CADM2: variants seen among roughly 807,000 people sequenced by gnomAD.
The protein encoded by CADM2 is immunoglobulin superfamily member 4D.
Under a neutral mutation model 49.8 loss-of-function variants are expected in CADM2, and 12 were observed. The ratio of observed to expected loss-of-function variants is 0.24; its 90% CI spans 0.15 to 0.39. The LOEUF (loss-of-function observed/expected upper bound fraction) is 0.39, where lower values mean the gene tolerates loss of function less well. Ranked by LOEUF, CADM2 falls within the 10% of genes least tolerant of loss-of-function variation. The pLI is 1.00. For missense variants in CADM2, 378 were observed against 492.3 expected (o/e 0.77, Z 2.20); for synonymous variants, 214 against 175.4 (o/e 1.22, Z -1.74).
intron 1 of CADM2, among the ~76,000 whole-genome samples, chr3:85,408,223 T>G (rs1376518180): frequency 6.6e-6 from 1 of 152,062 alleles, no homozygotes; most frequent in African/African-American, 2.4e-5. Context: ...AGACAACACA[T>G]TTCTAAAGAG....
chr3:85,411,050 C>T (rs2035632843), intron 1 of CADM2, among the ~76,000 whole-genome samples: 1 of 152,212 alleles, frequency 6.6e-6, no homozygotes, highest in African/African-American at 2.4e-5. Flanking sequence ...CATACTTTGA[C>T]TAGTGCACTC....
chr3:85,368,537 A>G (rs1006479070), intron 1 of CADM2, among the ~76,000 whole-genome samples: 1 of 150,164 alleles, frequency 6.7e-6, no homozygotes, highest in African/African-American at 2.4e-5. Context: ...AATATATATT[A>G]ATATATACCT....
intron 1 of CADM2, among the ~76,000 whole-genome samples, chr3:85,475,153 A>G (rs2038926253): frequency 6.6e-6 from 1 of 151,970 alleles, no homozygotes; most frequent in Non-Finnish European, 1.5e-5. Context: ...TATAGATTAG[A>G]CAAATGTTCA....
intron 8 of CADM2, among the ~76,000 whole-genome samples, chr3:86,025,741 C>T (rs915267507): frequency 6.6e-6 from 1 of 151,982 alleles, no homozygotes; most frequent in African/African-American, 2.4e-5. Context: ...TTTTATTGCA[C>T]AATCATTTTA....
chr3:85,611,419 TG>T (rs1190398245), intron 1 of CADM2, among the ~76,000 whole-genome samples: 7 of 152,038 alleles, frequency 4.6e-5, no homozygotes, highest in African/African-American at 1.4e-4. Flanking sequence ...CAATTTATCT[TG>T]GGTTAGTTGA....
chr3:85,455,209 A>G, intron 1 of CADM2, among the ~76,000 whole-genome samples: 1 of 152,232 alleles, frequency 6.6e-6, no homozygotes, highest in East Asian at 1.9e-4. Context: ...TCAAAGCCAC[A>G]ATAAAACACA....
chr3:85,688,788 G>A (rs1233862222), intron 1 of CADM2, among the ~76,000 whole-genome samples: 4 of 151,942 alleles, frequency 2.6e-5, no homozygotes, highest in African/African-American at 4.8e-5. Context: ...GCCTGGTTTC[G>A]AACTTCTGAC....
At chr3:85,969,953 T>TTG (rs1177907037) in intron 8 of CADM2, among the ~76,000 whole-genome samples, 33 of 129,552 alleles carry the variant, frequency 2.5e-4, no homozygotes, top group East Asian at 2.1e-3. Flanking sequence ...AGGGGTGTGT[T>TTG]TGTGTGTGTG....
At chr3:85,872,197 T>C (rs2075956679) in intron 3 of CADM2, among the ~76,000 whole-genome samples, 1 of 152,182 alleles carries the variant, frequency 6.6e-6, no homozygotes, top group African/African-American at 2.4e-5. Context: ...AGTCAGCAAG[T>C]ACAGAAGACT....
chr3:85,202,065 C>A lies in CADM2; in HGVS notation c.61+242397C>A, dbSNP rs191291002. On this transcript the variant is annotated intron_variant, in intron 1 of 9. Coordinates refer to ENST00000383699, the MANE Select transcript of CADM2 (RefSeq NM_001167675.2). Reference sequence around the variant, plus strand: ...ACTGCTCTCCAGCCTGGTGACAGAGCGAGACTCTGTCTGAAAAAAAAAAAA... The same window carrying A: ...ACTGCTCTCCAGCCTGGTGACAGAGAGAGACTCTGTCTGAAAAAAAAAAAA... 6.4e-4 allele frequency among the ~76,000 whole-genome samples: 77 copies of A among 119,456 alleles called. 3 individuals carry two copies. The South Asian group carries it at 0.02, about 31-fold the overall frequency. 78.4% of individuals were successfully genotyped at this position (119,456 alleles called of 152,430 possible). A position where few individuals can be genotyped will look rare whatever the true frequency, so the allele number is the denominator to read the frequency against.
intron 3 of CADM2, among the ~76,000 whole-genome samples, chr3:85,856,303 A>AT (rs1391621263): frequency 1.3e-5 from 2 of 152,180 alleles, no homozygotes; most frequent in African/African-American, 4.8e-5. Flanking sequence ...TCTCTATTTA[A>AT]GTGCTGAACC....
At chr3:86,005,554 A>AT (rs57509067) in intron 8 of CADM2, among the ~76,000 whole-genome samples, 44,750 of 134,808 alleles carry the variant, frequency 0.33, 7,850 homozygotes, top group Admixed American at 0.41. Flanking sequence ...TCCGTCTCAT[A>AT]TAAAAAAAAA....
chr3:85,961,402 T>A (rs1369595328), intron 7 of CADM2, 67 bp from the exon 8 acceptor site: 1 of 1,309,608 alleles, frequency 7.6e-7, no homozygotes. Context: ...AAAAATTGAT[T>A]TACTAAATTT....
At chr3:85,220,891 G>T (rs1443099216) in intron 1 of CADM2, among the ~76,000 whole-genome samples, 2 of 152,042 alleles carry the variant, frequency 1.3e-5, no homozygotes, top group Admixed American at 6.6e-5. Flanking sequence ...GCAAAACAAA[G>T]AACTAAAATC....
chr3:85,404,320 A>T (rs2035268201), intron 1 of CADM2, among the ~76,000 whole-genome samples: 1 of 151,898 alleles, frequency 6.6e-6, no homozygotes, highest in African/African-American at 2.4e-5. Flanking sequence ...AACTTTAATG[A>T]TTGTTTACAG....
At chr3:85,826,726 A>C (rs1348035892) in intron 3 of CADM2, among the ~76,000 whole-genome samples, 2 of 152,014 alleles carry the variant, frequency 1.3e-5, no homozygotes, top group Non-Finnish European at 2.9e-5. Context: ...CTCAGATGGC[A>C]GACAGATATT....
intron 1 of CADM2, among the ~76,000 whole-genome samples, chr3:85,060,076 A>T (rs1272993136): frequency 2.6e-5 from 4 of 152,024 alleles, no homozygotes; most frequent in Non-Finnish European, 5.9e-5. Flanking sequence ...ATTCCCAAAG[A>T]TCCCACTTAA....
intron 8 of CADM2, among the ~76,000 whole-genome samples, chr3:86,042,953 A>C (rs1736148257): frequency 6.6e-6 from 1 of 152,204 alleles, no homozygotes; most frequent in Non-Finnish European, 1.5e-5. Context: ...CTAATCCAGC[A>C]TATAAACAGA....
At chr3:85,838,665 G>T (rs2108256461) in intron 3 of CADM2, among the ~76,000 whole-genome samples, 1 of 151,718 alleles carries the variant, frequency 6.6e-6, no homozygotes, top group African/African-American at 2.4e-5. Flanking sequence ...AGTTTGATAT[G>T]CAGCCAAGGT....
Sources: gnomAD v4.1 joint callset for allele counts (sites outside exome capture counted in the v4.1 genomes callset) on GRCh38, gnomAD v4.1.1 for gene constraint, MANE v1.5 for transcripts, NCBI Gene and HGNC (gene_info 2026-07-23, HGNC 2026-07-21) for gene names.